The following PALM2AKAP2 variants were observed in gnomAD, a reference collection of about 807,000 sequenced individuals.
The protein encoded by PALM2AKAP2 is PALM2 and AKAP2 fusion.
A neutral mutation model predicts 71.5 loss-of-function variants in PALM2AKAP2; 37 were observed. The observed-to-expected ratio is 0.52, with a 90% CI of 0.40 to 0.68. The LOEUF (loss-of-function observed/expected upper bound fraction) is 0.68, where lower values mean the gene tolerates loss of function less well. Among genes scored for constraint, PALM2AKAP2 ranks in the 30% least tolerant of loss-of-function variants. The probability of loss-of-function intolerance (pLI) is 0.00; values close to 1 mark genes in which losing one functional copy is unlikely to be tolerated. For synonymous variants in PALM2AKAP2, 468 were observed against 478.8 expected (o/e 0.98, Z 0.29); for missense variants, 1,224 against 1,191.8 (o/e 1.03, Z -0.40).
chr9:110,082,217 C>T (rs560872397), intron 1 of PALM2AKAP2, among the ~76,000 whole-genome samples: 4 of 152,098 alleles, frequency 2.6e-5, no homozygotes, highest in South Asian at 2.1e-4. Context: ...CCACCACACC[C>T]GACTAATTTT....
At chr9:109,772,245 C>T (rs549880044) in intron 1 of PALM2AKAP2, among the ~76,000 whole-genome samples, 1 of 152,314 alleles carries the variant, frequency 6.6e-6, no homozygotes, top group African/African-American at 2.4e-5. Context: ...CTCACAGAGC[C>T]TCTGGAGTGG....
intron 1 of PALM2AKAP2, among the ~76,000 whole-genome samples, chr9:110,115,443 C>A (rs752437711): frequency 6.6e-6 from 1 of 152,226 alleles, no homozygotes; most frequent in Non-Finnish European, 1.5e-5. Flanking sequence ...GCGGCCCTGG[C>A]TCGAGTCTTC....
At chr9:110,129,423 T>G (rs1835686457) in intron 1 of PALM2AKAP2, among the ~76,000 whole-genome samples, 1 of 152,226 alleles carries the variant, frequency 6.6e-6, no homozygotes, top group South Asian at 2.1e-4. Flanking sequence ...TGTATCAGGA[T>G]AGAATGAGAA....
intron 7 of PALM2AKAP2, among the ~76,000 whole-genome samples, chr9:110,021,741 T>TA (rs35196810): frequency 0.2 from 28,950 of 142,398 alleles, 3,187 homozygotes; most frequent in Admixed American, 0.32. Flanking sequence ...ACATTGAATT[T>TA]AAAAAAAAAA....
intron 1 of PALM2AKAP2, among the ~76,000 whole-genome samples, chr9:109,721,351 TG>T (rs1210752141): frequency 6.6e-6 from 1 of 152,192 alleles, no homozygotes; most frequent in Non-Finnish European, 1.5e-5. Context: ...AAATCTGAGG[TG>T]GCAGATTCTG....
At chr9:109,843,659 C>T (rs1828770963) in intron 1 of PALM2AKAP2, among the ~76,000 whole-genome samples, 1 of 152,174 alleles carries the variant, frequency 6.6e-6, no homozygotes, top group Admixed American at 6.5e-5. Flanking sequence ...TGTTTCCATC[C>T]TCTTTCTCCC....
intron 1 of PALM2AKAP2, among the ~76,000 whole-genome samples, chr9:109,754,892 A>T (rs569256868): frequency 3.9e-5 from 6 of 152,220 alleles, no homozygotes; most frequent in Admixed American, 3.9e-4. Flanking sequence ...CATTCAGGCC[A>T]TAGCACCATC....
At chr9:109,902,030 T>G (rs1830341796) in intron 3 of PALM2AKAP2, among the ~76,000 whole-genome samples, 1 of 152,150 alleles carries the variant, frequency 6.6e-6, no homozygotes, top group Admixed American at 6.5e-5. Flanking sequence ...CTATCACAGA[T>G]TAGGGTTTCT....
chr9:110,022,945 A>G (rs900844327), intron 7 of PALM2AKAP2, among the ~76,000 whole-genome samples: 1 of 152,170 alleles, frequency 6.6e-6, no homozygotes, highest in Admixed American at 6.5e-5. Flanking sequence ...TCCATGGTGT[A>G]TATGTGCCAC....
intron 1 of PALM2AKAP2, among the ~76,000 whole-genome samples, chr9:109,772,565 C>T (rs1172517386): frequency 6.6e-6 from 1 of 152,218 alleles, no homozygotes; most frequent in African/African-American, 2.4e-5. Flanking sequence ...GACTGCTACA[C>T]TCTTTTCTGC....
chr9:109,950,620 T>C (rs892493878), intron 6 of PALM2AKAP2, among the ~76,000 whole-genome samples: 7 of 152,326 alleles, frequency 4.6e-5, no homozygotes, highest in African/African-American at 1.7e-4. Context: ...CTTTTTCTAC[T>C]ACCCAAGAGA....
At chr9:109,894,061 G>A (rs918157412) in intron 3 of PALM2AKAP2, among the ~76,000 whole-genome samples, 3 of 151,836 alleles carry the variant, frequency 2.0e-5, no homozygotes, top group Admixed American at 1.3e-4. Context: ...ATCTGGCTGG[G>A]TGTGGTGGCT....
chr9:110,121,629 G>GT (rs1292669335), intron 1 of PALM2AKAP2, among the ~76,000 whole-genome samples: 2 of 152,194 alleles, frequency 1.3e-5, no homozygotes, highest in Non-Finnish European at 2.9e-5. Flanking sequence ...CTTCAAACCT[G>GT]TTTTTGGAAC....
chr9:109,712,201 C>T (rs1394350077), intron 1 of PALM2AKAP2, among the ~76,000 whole-genome samples: 1 of 152,016 alleles, frequency 6.6e-6, no homozygotes, highest in Non-Finnish European at 1.5e-5. Context: ...AATTCTGAGG[C>T]CGAAGTTCAT....
exon 4 of PALM2AKAP2, chr9:110,171,923 A>G (rs1445155620): frequency 1.3e-5 from 2 of 152,772 alleles, no homozygotes; most frequent in African/African-American, 4.8e-5. Context: ...CAGTGGCAGG[A>G]GGCCGTGCTG....
At chr9:109,886,424 G>A (rs534073528) in intron 3 of PALM2AKAP2, among the ~76,000 whole-genome samples, 2 of 152,332 alleles carry the variant, frequency 1.3e-5, no homozygotes, top group African/African-American at 4.8e-5. Context: ...TTTTACTAAA[G>A]TGTTTGAAAT....
chr9:110,129,722 C>G (rs747441865), intron 1 of PALM2AKAP2, among the ~76,000 whole-genome samples: 2 of 152,234 alleles, frequency 1.3e-5, no homozygotes, highest in African/African-American at 2.4e-5. Flanking sequence ...TGTACATTTA[C>G]TTGGCTAGTT....
intron 6 of PALM2AKAP2, among the ~76,000 whole-genome samples, chr9:109,957,586 G>C (rs998360568): frequency 1.3e-5 from 2 of 152,148 alleles, no homozygotes; most frequent in Non-Finnish European, 1.5e-5. Flanking sequence ...TCTACTGAAT[G>C]AACTTAAACA....
chr9:110,128,976 A>T (rs964909917), intron 1 of PALM2AKAP2, among the ~76,000 whole-genome samples: 3 of 152,230 alleles, frequency 2.0e-5, no homozygotes, highest in Admixed American at 2.0e-4. Context: ...AGGCTTCTAG[A>T]ATCTCACTTG....
Sources: allele counts gnomAD v4.1 joint callset (sites outside exome capture counted in the v4.1 genomes callset), GRCh38; gene constraint gnomAD v4.1.1; transcripts MANE v1.5; gene names NCBI Gene and HGNC (gene_info 2026-07-23, HGNC 2026-07-21).